The following SEMA4D variants were observed in gnomAD, a reference collection of about 807,000 sequenced individuals.
SEMA4D encodes the protein semaphorin 4D.
SEMA4D carries 22 observed loss-of-function variants against 74.8 expected under a neutral mutation model. That is an observed-to-expected ratio of 0.29 (90% CI 0.21 to 0.42). The LOEUF (loss-of-function observed/expected upper bound fraction) is 0.42, where lower values mean the gene tolerates loss of function less well. SEMA4D is among the 10% of genes least tolerant of loss of function. SEMA4D has a pLI of 1.00. For missense variants in SEMA4D, 937 were observed against 1,118.4 expected, an observed-to-expected ratio of 0.84 and a Z score of 2.31; for synonymous variants, 445 against 463.7, an observed-to-expected ratio of 0.96 and a Z score of 0.52.
intron 13 of SEMA4D, among the ~76,000 whole-genome samples, chr9:89,382,536 CTG>C (rs1473586620): frequency 6.6e-6 from 1 of 152,118 alleles, no homozygotes; most frequent in Non-Finnish European, 1.5e-5. Flanking sequence ...AGGATGGAAA[CTG>C]TGATAATACA....
rs193111685 is a variant in SEMA4D at position 89,396,386 on chromosome 9, C to G, written c.414+351G>C. ...TAGCATGTTCAGGCTACCTGTCCTT[C>G]CCAGCACATCCCCAATGCCATGTTC... On this transcript the variant is annotated intron_variant, in intron 6 of 15. Coordinates refer to ENST00000422704, the MANE Select transcript of SEMA4D (RefSeq NM_001371194.2). 4.3e-3 allele frequency among the ~76,000 whole-genome samples: 648 copies of G among 152,294 alleles called. 17 individuals are homozygous for G. Among genetic ancestry groups the G allele is most frequent in the Non-Finnish European group, 1.3e-3 (87 of 68,024 alleles).
At chr9:89,388,214 T>A (rs955289078) in intron 11 of SEMA4D, among the ~76,000 whole-genome samples, 21 of 152,256 alleles carry the variant, frequency 1.4e-4, no homozygotes, top group African/African-American at 4.8e-4. Context: ...GTCACACCCA[T>A]TTCCCCATGT....
chr9:89,465,679 G>A (rs995193047), intron 1 of SEMA4D, among the ~76,000 whole-genome samples: 3 of 152,168 alleles, frequency 2.0e-5, no homozygotes, highest in Non-Finnish European at 2.9e-5. Context: ...AATTTCCAAC[G>A]GACACAATAC....
At chr9:89,428,728 C>T (rs1218580607) in intron 2 of SEMA4D, among the ~76,000 whole-genome samples, 1 of 152,264 alleles carries the variant, frequency 6.6e-6, no homozygotes, top group African/African-American at 2.4e-5. Context: ...GACCATGGTG[C>T]ACACGGCCAA....
chr9:89,410,715 T>C (rs927633325), intron 2 of SEMA4D, among the ~76,000 whole-genome samples: 1 of 152,156 alleles, frequency 6.6e-6, no homozygotes, highest in African/African-American at 2.4e-5. Context: ...GCTTTCGGAA[T>C]AACAGCGCCC....
chr9:89,380,007 A>G (rs1314008878), intron 15 of SEMA4D, among the ~76,000 whole-genome samples: 1 of 152,166 alleles, frequency 6.6e-6, no homozygotes, highest in Non-Finnish European at 1.5e-5. Context: ...AGTGCATCTC[A>G]GCACTCTCCT....
intron 13 of SEMA4D, 104 bp downstream of exon 13, chr9:89,386,263 G>T: frequency 9.7e-7 from 1 of 1,031,062 alleles, no homozygotes; most frequent in East Asian, 2.6e-5. Flanking sequence ...ACAGACAGAG[G>T]GGCCTGCCCA....
At chr9:89,477,227 A>G (rs1055694650) in intron 1 of SEMA4D, among the ~76,000 whole-genome samples, 2 of 151,874 alleles carry the variant, frequency 1.3e-5, no homozygotes, top group African/African-American at 2.4e-5. Flanking sequence ...TCACACACAC[A>G]TGCATATATG....
intron 2 of SEMA4D, among the ~76,000 whole-genome samples, chr9:89,451,587 ACTC>A (rs1287831980): frequency 6.6e-6 from 1 of 151,830 alleles, no homozygotes; most frequent in Non-Finnish European, 1.5e-5. Flanking sequence ...TGAAGATAAA[ACTC>A]CTGGCTTTCT....
In SEMA4D at chr9:89,405,424, G is replaced by A. The variant is rs1177170775; in HGVS notation, c.33C>T (p.Leu11=). 3 of 1,613,926 alleles carry A rather than the reference G, an allele frequency of 1.9e-6. No individual in the cohort carries two copies. The highest frequency in any genetic ancestry group is 1.3e-5 in the African/African-American group (1 of 74,948). ...TCCCAAACATCACTGCAAGGGCCAT[G>A]AGCAGCCCCCTAATGGGGGTGCACA... is the stretch of plus-strand genomic sequence containing the variant. MRMCTPIRGL[L]MALAVMFGTA... is the part of the protein sequence containing the mutation. The change falls in exon 3 of 16, where the codon CTC becomes CTT. Residue 11 remains leucine (L), a synonymous_variant. Coordinates refer to ENST00000422704, the MANE Select transcript of SEMA4D (RefSeq NM_001371194.2).
exon 19 of SEMA4D, chr9:89,362,144 C>T (rs1588041377): frequency 1.7e-6 from 1 of 589,856 alleles, no homozygotes; most frequent in East Asian, 2.8e-5. Flanking sequence ...CCTGCTTGTG[C>T]CAGACAGAAC....
At chr9:89,444,444 G>C (rs559720443) in intron 2 of SEMA4D, among the ~76,000 whole-genome samples, 7 of 152,212 alleles carry the variant, frequency 4.6e-5, no homozygotes, top group Non-Finnish European at 1.0e-4. Flanking sequence ...CTACTGACGG[G>C]ATGTGGGCAC....
rs150298124 is a variant in SEMA4D at position 89,381,073 on chromosome 9, C to G, written c.1645G>C (p.Asp549His). The change falls in exon 15 of 16, where the codon GAT becomes CAT. Residue 549 changes from aspartate (D) to histidine (H), a missense_variant. Physicochemically the swap from Asp to His is moderately conservative, Grantham distance 81 (BLOSUM62 -1). Transcript: ENST00000422704. The surrounding 1 kb of genome is among the most constrained non-coding windows in gnomAD (Gnocchi z 4.6). Reference protein sequence around the residue: ...SRGLIQEMSGDASVCPDKSKG... With the variant: ...SRGLIQEMSGHASVCPDKSKG... ...CACTCACCCGGGCACACAGAAGCAT[C>G]GCCGCTCATCTCCTGAATCAAACCC... 35 of 1,614,016 alleles carry G rather than the reference C, an allele frequency of 2.2e-5. No homozygotes were observed. The highest frequency in any genetic ancestry group is 2.7e-5 in the African/African-American group (2 of 74,928).
chr9:89,406,704 G>A (rs1843392162), intron 2 of SEMA4D, among the ~76,000 whole-genome samples: 1 of 152,162 alleles, frequency 6.6e-6, no homozygotes, highest in Admixed American at 6.5e-5. Flanking sequence ...ACTCAAAACA[G>A]CAACCTGGGA....
intron 2 of SEMA4D, among the ~76,000 whole-genome samples, chr9:89,446,600 G>A (rs372119248): frequency 6.6e-6 from 1 of 152,220 alleles, no homozygotes; most frequent in African/African-American, 2.4e-5. Context: ...AGGGGAGGCT[G>A]CCTCCCAGGA....
At chr9:89,481,330 G>GC (rs1002121712) in intron 1 of SEMA4D, among the ~76,000 whole-genome samples, 4 of 152,228 alleles carry the variant, frequency 2.6e-5, no homozygotes, top group Admixed American at 2.6e-4. Flanking sequence ...TGGTTCAGGG[G>GC]CCCCTTCTCA....
At chr9:89,395,721 G>A (rs371127737) in intron 6 of SEMA4D, among the ~76,000 whole-genome samples, 2 of 152,210 alleles carry the variant, frequency 1.3e-5, no homozygotes, top group South Asian at 4.2e-4. Context: ...ACAGGCAGCT[G>A]GGTAGACCCC....
chr9:89,443,444 C>T (rs1852125774), intron 2 of SEMA4D, among the ~76,000 whole-genome samples: 1 of 152,236 alleles, frequency 6.6e-6, no homozygotes, highest in Non-Finnish European at 1.5e-5. Context: ...CCTGTTGTCC[C>T]TGCAGAGTGG....
At chr9:89,392,328 G>T in intron 8 of SEMA4D, 95 bp downstream of exon 8, 1 of 980,840 alleles carries the variant, frequency 1.0e-6, no homozygotes, top group Non-Finnish European at 1.6e-6. Context: ...AAGCTCGGGG[G>T]CCCCCAGGGC....
Sources: gnomAD v4.1 joint callset for allele counts (sites outside exome capture counted in the v4.1 genomes callset) on GRCh38, gnomAD v4.1.1 for gene constraint, Gnocchi (gnomAD v3.1) non-coding constraint, MANE v1.5 for transcripts, NCBI Gene and HGNC (gene_info 2026-07-23, HGNC 2026-07-21) for gene names.